The following ROR1 variants were observed in gnomAD, a reference collection of about 807,000 sequenced individuals.
ROR1 encodes inactive tyrosine-protein kinase transmembrane receptor ROR1.
A neutral mutation model predicts 78.8 loss-of-function variants in ROR1; 19 were observed. The ratio of observed to expected loss-of-function variants is 0.24; its 90% CI spans 0.17 to 0.35. The LOEUF (loss-of-function observed/expected upper bound fraction) is 0.35. ROR1 is among the 10% of genes least tolerant of loss of function. The pLI is 1.00. For synonymous variants in ROR1, 386 were observed against 433.6 expected (o/e 0.89, Z 1.36); for missense variants, 917 against 1,177.8 (o/e 0.78, Z 3.24).
intron 2 of ROR1, among the ~76,000 whole-genome samples, chr1:64,040,869 A>G (rs150908214): frequency 3.6e-4 from 55 of 152,320 alleles, no homozygotes; most frequent in African/African-American, 1.3e-3. Context: ...AAAAGCTTAT[A>G]ATCAGCAAAA....
intron 1 of ROR1, among the ~76,000 whole-genome samples, chr1:63,861,679 T>A (rs2100345770): frequency 6.6e-6 from 1 of 152,366 alleles, no homozygotes; most frequent in Non-Finnish European, 1.5e-5. Flanking sequence ...ATGATTGCCT[T>A]GCTGTTGGAA....
intron 2 of ROR1, among the ~76,000 whole-genome samples, chr1:64,043,759 T>C (rs1455628605): frequency 6.6e-6 from 1 of 152,198 alleles, no homozygotes; most frequent in East Asian, 1.9e-4. Context: ...GTTTGGGTCC[T>C]GGCTCTGCCG....
chr1:63,946,360 A>G lies in ROR1; in HGVS notation c.92-62945A>G, dbSNP rs1557576439. ...AAAACCTCCCCCAGCGTTTTTCCCC[A>G]ATGTCTGTTTAACCAGTTTTGTGTC... is the stretch of plus-strand genomic sequence containing the variant. On this transcript the variant is annotated intron_variant, in intron 1 of 8. Coordinates refer to ENST00000371079, the MANE Select transcript of ROR1 (RefSeq NM_005012.4). Among the ~76,000 whole-genome samples the G allele has an allele frequency of 2.0e-5, 3 of 152,134 alleles. No individual in the cohort carries two copies. The South Asian group carries it at 6.2e-4, about 32-fold the overall frequency.
intron 2 of ROR1, among the ~76,000 whole-genome samples, chr1:64,013,305 C>T (rs929169472): frequency 6.6e-6 from 1 of 152,124 alleles, no homozygotes; most frequent in African/African-American, 2.4e-5. Flanking sequence ...CCCTTTCTGG[C>T]CTTCCACACT....
rs1457528615 is a variant in ROR1, at chr1:64,140,263, G to A, written c.765G>A (p.Leu255=). The change falls in exon 6 of 9, where the codon CTG becomes CTA. Residue 255 remains leucine (L), a synonymous_variant. Coordinates refer to ENST00000371079, the MANE Select transcript of ROR1 (RefSeq NM_005012.4). ...RDLCRDECEI[L]ENVLCQTEYI... is the part of the protein sequence containing the mutation. ...TGTGTCGCGATGAATGTGAAATCCT[G>A]GAGAATGTCCTGTGTCAAACAGAGT... 1 of 1,614,116 alleles carries A rather than the reference G, an allele frequency of 6.2e-7. No individual in the cohort carries two copies. Among genetic ancestry groups the A allele is most frequent in the Middle Eastern group, 1.6e-4 (1 of 6,062 alleles).
chr1:64,177,423 T>C lies in ROR1; in HGVS notation c.1387-5T>C. 1.2e-6 allele frequency: 2 copies of C among 1,604,386 alleles called. No individual in the cohort carries two copies. Among genetic ancestry groups the C allele is most frequent in the Non-Finnish European group, 1.7e-6 (2 of 1,175,982 alleles). ...TAAACCACGTTTTTCCTCTCTTTCATACAGAGCAAGGCTAAAGAGCTACCT... is the reference window on the plus strand; with the variant it reads ...TAAACCACGTTTTTCCTCTCTTTCACACAGAGCAAGGCTAAAGAGCTACCT... On this transcript the variant is annotated splice_polypyrimidine_tract_variant and splice_region_variant and intron_variant, in intron 8 of 8. Coordinates refer to ENST00000371079, the MANE Select transcript of ROR1 (RefSeq NM_005012.4).
chr1:64,159,267 C>A, intron 8 of ROR1, 75 bp downstream of exon 8: 1 of 1,162,892 alleles, frequency 8.6e-7, no homozygotes, highest in Non-Finnish European at 1.3e-6. Flanking sequence ...CCCTCCCAAG[C>A]TTGGAAATCG....
At chr1:64,142,123 G>C (rs958928705) in intron 6 of ROR1, among the ~76,000 whole-genome samples, 1 of 152,190 alleles carries the variant, frequency 6.6e-6, no homozygotes, top group African/African-American at 2.4e-5. Context: ...TCCCACCCCA[G>C]TTCCGATTTC....
intron 1 of ROR1, among the ~76,000 whole-genome samples, chr1:63,895,642 T>C (rs2100395188): frequency 6.6e-6 from 1 of 152,292 alleles, no homozygotes; most frequent in East Asian, 1.9e-4. Context: ...ACTGGGCTGA[T>C]AGTGAATTTT....
intron 4 of ROR1, among the ~76,000 whole-genome samples, chr1:64,057,635 G>A (rs1421380421): frequency 1.3e-5 from 2 of 152,006 alleles, no homozygotes; most frequent in African/African-American, 4.8e-5. Context: ...AAACTATTGA[G>A]GATGACCTCC....
At chr1:63,828,537 C>T (rs1569780776) in intron 1 of ROR1, among the ~76,000 whole-genome samples, 1 of 152,104 alleles carries the variant, frequency 6.6e-6, no homozygotes, top group East Asian at 1.9e-4. Context: ...CCTGTTTTTT[C>T]ATTTAGTAGA....
chr1:64,112,711 C>G (rs886620887), intron 4 of ROR1, among the ~76,000 whole-genome samples: 1 of 152,160 alleles, frequency 6.6e-6, no homozygotes, highest in Admixed American at 6.5e-5. Flanking sequence ...GATTCCCCCA[C>G]AAGTTTCTGT....
At chr1:63,934,386 C>T (rs1220048190) in intron 1 of ROR1, among the ~76,000 whole-genome samples, 1 of 152,130 alleles carries the variant, frequency 6.6e-6, no homozygotes, top group Non-Finnish European at 1.5e-5. Context: ...CTGGTGACAC[C>T]AACCTCATGG....
intron 4 of ROR1, among the ~76,000 whole-genome samples, chr1:64,135,856 C>T (rs1649084171): frequency 6.6e-6 from 1 of 152,098 alleles, no homozygotes; most frequent in Non-Finnish European, 1.5e-5. Flanking sequence ...AAGATACTTC[C>T]CCCACTTTCA....
At chr1:63,841,914 A>G (rs1645051980) in intron 1 of ROR1, among the ~76,000 whole-genome samples, 1 of 152,146 alleles carries the variant, frequency 6.6e-6, no homozygotes, top group African/African-American at 2.4e-5. Flanking sequence ...ATTCAGCTCT[A>G]TGTTGGATAC....
intron 1 of ROR1, among the ~76,000 whole-genome samples, chr1:63,878,216 A>G (rs1475697718): frequency 1.3e-5 from 2 of 152,170 alleles, no homozygotes; most frequent in Non-Finnish European, 2.9e-5. Flanking sequence ...GTGAAGGACC[A>G]GGGAGGTGAA....
At chr1:64,067,710 C>CTTTTTTTTT (rs986756579) in intron 4 of ROR1, among the ~76,000 whole-genome samples, 9 of 105,698 alleles carry the variant, frequency 8.5e-5, no homozygotes, top group Non-Finnish European at 1.1e-4. Context: ...TAAATAAATT[C>CTTTTTTTTT]TTTTTTTTTT....
chr1:63,897,307 C>A (rs1207693593), intron 1 of ROR1, among the ~76,000 whole-genome samples: 1 of 152,232 alleles, frequency 6.6e-6, no homozygotes, highest in Non-Finnish European at 1.5e-5. Flanking sequence ...TTTTAGTCAA[C>A]ATTTATTGAG....
intron 1 of ROR1, among the ~76,000 whole-genome samples, chr1:63,898,984 G>A (rs1645464118): frequency 6.6e-6 from 1 of 152,038 alleles, no homozygotes; most frequent in African/African-American, 2.4e-5. Flanking sequence ...GCTTCTCCAT[G>A]GAAACAGTAC....
Sources: allele counts gnomAD v4.1 joint callset (sites outside exome capture counted in the v4.1 genomes callset), GRCh38; gene constraint gnomAD v4.1.1; transcripts MANE v1.5; gene names NCBI Gene and HGNC (gene_info 2026-07-23, HGNC 2026-07-21).